The following TGFA variants were observed in gnomAD, a reference collection of about 807,000 sequenced individuals.
TGFA encodes transforming growth factor alpha, also known as protransforming growth factor alpha.
In TGFA, 12 loss-of-function variants were observed where a neutral mutation model predicts 21.7. The observed-to-expected ratio is 0.55, with a 90% CI of 0.35 to 0.90. The LOEUF (loss-of-function observed/expected upper bound fraction) is 0.90, where lower values mean the gene tolerates loss of function less well. Among genes scored for constraint, TGFA ranks in the 40% least tolerant of loss-of-function variants. The pLI is 0.01. For missense variants in TGFA, 178 were observed against 210.8 expected (o/e 0.84, Z 0.96); for synonymous variants, 79 against 88.1 (o/e 0.90, Z 0.58).
In TGFA at chr2:70,514,896, C is replaced by A; in HGVS notation, c.57G>T (p.Ala19=). The change falls in exon 2 of 6, where the codon GCG becomes GCT. Residue 19 remains alanine (A), a synonymous_variant. Coordinates refer to ENST00000295400, the MANE Select transcript of TGFA (RefSeq NM_003236.4). ...ACGTGCTGTTCTCCAAGGCCTGGCA[C>A]GCAGCCAACACAATACCTGTTGGGT... ...ALFALGIVLA[A]CQALENSTSP... The A allele has an allele frequency of 6.2e-7, 1 of 1,613,988 alleles. No individual in the cohort carries two copies. The highest frequency in any genetic ancestry group is 1.1e-5 in the South Asian group (1 of 91,010).
intron 2 of TGFA, among the ~76,000 whole-genome samples, chr2:70,481,124 C>T (rs1397869308): frequency 1.3e-5 from 2 of 152,114 alleles, no homozygotes; most frequent in Non-Finnish European, 1.5e-5. Context: ...AAATGAAGCC[C>T]TAAGGGTCTC....
chr2:70,512,986 G>A (rs1162861631), intron 2 of TGFA, among the ~76,000 whole-genome samples: 2 of 152,176 alleles, frequency 1.3e-5, no homozygotes, highest in African/African-American at 4.8e-5. Context: ...GAGGCCTGGG[G>A]CACAGGACTC....
intron 2 of TGFA, among the ~76,000 whole-genome samples, chr2:70,481,135 A>G (rs1376967992): frequency 1.3e-5 from 2 of 152,174 alleles, no homozygotes; most frequent in Non-Finnish European, 2.9e-5. Flanking sequence ...TAAGGGTCTC[A>G]TTTCACAAAA....
intron 1 of TGFA, among the ~76,000 whole-genome samples, chr2:70,549,962 C>T (rs1481681657): frequency 6.6e-6 from 1 of 152,206 alleles, no homozygotes; most frequent in Non-Finnish European, 1.5e-5. Context: ...CTAATTATGG[C>T]TGCCCAATAC....
intron 2 of TGFA, among the ~76,000 whole-genome samples, chr2:70,474,117 CT>C (rs1670854757): frequency 6.6e-6 from 1 of 152,218 alleles, no homozygotes; most frequent in Non-Finnish European, 1.5e-5. Context: ...CATACACTGA[CT>C]TTAGATCCTA....
intron 2 of TGFA, among the ~76,000 whole-genome samples, chr2:70,493,404 TAGGA>T (rs1671489840): frequency 6.6e-6 from 1 of 152,168 alleles, no homozygotes; most frequent in Non-Finnish European, 1.5e-5. Context: ...GATTTTAGCA[TAGGA>T]GTCTGGGTAG....
intron 4 of TGFA, among the ~76,000 whole-genome samples, chr2:70,454,053 G>A (rs1390924973): frequency 1.3e-5 from 2 of 151,712 alleles, no homozygotes; most frequent in African/African-American, 4.8e-5. Flanking sequence ...CTGAGTGAGA[G>A]ATGAGTTCCC....
intron 1 of TGFA, among the ~76,000 whole-genome samples, chr2:70,550,643 AC>A (rs1381157823): frequency 6.6e-6 from 1 of 152,024 alleles, no homozygotes; most frequent in Non-Finnish European, 1.5e-5. Flanking sequence ...ACACGGTGAA[AC>A]CCCGTCTCTA....
chr2:70,546,435 T>C (rs1673305845), intron 1 of TGFA, among the ~76,000 whole-genome samples: 3 of 152,058 alleles, frequency 2.0e-5, no homozygotes, highest in African/African-American at 7.2e-5. Context: ...TGGTGCCCAA[T>C]AGACAGTTTT....
intron 2 of TGFA, among the ~76,000 whole-genome samples, chr2:70,512,154 G>A (rs1490654058): frequency 6.6e-6 from 1 of 152,176 alleles, no homozygotes; most frequent in Non-Finnish European, 1.5e-5. Flanking sequence ...AGCCTTTGGA[G>A]GTGTGACTAT....
At chr2:70,479,918 A>G (rs1377057917) in intron 2 of TGFA, among the ~76,000 whole-genome samples, 8 of 152,208 alleles carry the variant, frequency 5.3e-5, no homozygotes, top group African/African-American at 1.9e-4. Flanking sequence ...TTCCTCAAAA[A>G]ATCTTCTCAT....
intron 3 of TGFA, among the ~76,000 whole-genome samples, chr2:70,457,976 C>A (rs1670289571): frequency 6.6e-6 from 1 of 152,152 alleles, no homozygotes; most frequent in South Asian, 2.1e-4. Context: ...GATTAATTAG[C>A]TAGCCTCTAA....
intron 1 of TGFA, among the ~76,000 whole-genome samples, chr2:70,523,324 C>G (rs77387886): frequency 0.019 from 2,964 of 152,196 alleles, 94 homozygotes; most frequent in African/African-American, 0.068. Context: ...TGTGAACGTT[C>G]GTTGTGAATG....
At chr2:70,510,080 C>A (rs1483075633) in intron 2 of TGFA, among the ~76,000 whole-genome samples, 1 of 152,164 alleles carries the variant, frequency 6.6e-6, no homozygotes, top group East Asian at 1.9e-4. Context: ...ATTTCACTCC[C>A]ATGGCAACTA....
chr2:70,504,015 C>T (rs1160795689), intron 2 of TGFA, among the ~76,000 whole-genome samples: 3 of 152,200 alleles, frequency 2.0e-5, no homozygotes, highest in Non-Finnish European at 4.4e-5. Flanking sequence ...TAGGAAACAT[C>T]TATTTGTGAC....
At chr2:70,472,421 G>A (rs1670781361) in intron 2 of TGFA, among the ~76,000 whole-genome samples, 3 of 152,170 alleles carry the variant, frequency 2.0e-5, no homozygotes, top group Non-Finnish European at 2.9e-5. Flanking sequence ...TTAACCAAAC[G>A]CACATCTTGC....
At chr2:70,452,026 AAC>A (rs1251580779) in intron 5 of TGFA, among the ~76,000 whole-genome samples, 1 of 152,202 alleles carries the variant, frequency 6.6e-6, no homozygotes, top group Non-Finnish European at 1.5e-5. Context: ...ATAAAGAACA[AAC>A]ACATATGTTC....
chr2:70,540,684 TC>T (rs1470357518), intron 1 of TGFA, among the ~76,000 whole-genome samples: 1 of 152,148 alleles, frequency 6.6e-6, no homozygotes, highest in Non-Finnish European at 1.5e-5. Flanking sequence ...AGATTTTTAG[TC>T]CCTAAGGTTA....
intron 1 of TGFA, among the ~76,000 whole-genome samples, chr2:70,523,843 A>G (rs542155597): frequency 6.6e-6 from 1 of 152,290 alleles, no homozygotes; most frequent in South Asian, 2.1e-4. Context: ...AATGCCACTA[A>G]CAAGTGCCCA....
Sources: allele counts gnomAD v4.1 joint callset (sites outside exome capture counted in the v4.1 genomes callset), GRCh38; gene constraint gnomAD v4.1.1; transcripts MANE v1.5; gene names NCBI Gene and HGNC (gene_info 2026-07-23, HGNC 2026-07-21).